SGCZ: variants seen among roughly 807,000 people sequenced by gnomAD.
The protein encoded by SGCZ is zeta-sarcoglycan.
In SGCZ, 40 loss-of-function variants were observed where a neutral mutation model predicts 41.3. That is an observed-to-expected ratio of 0.97 (90% CI 0.75 to 1.26). SGCZ has a LOEUF of 1.26. SGCZ is among the 50% of genes most tolerant of loss of function. The pLI is 0.00. For missense variants in SGCZ, 552 were observed against 369.8 expected (o/e 1.49, Z -4.04); for synonymous variants, 206 against 137.5 (o/e 1.50, Z -3.49).
intron 2 of SGCZ, among the ~76,000 whole-genome samples, chr8:14,326,981 C>G (rs1802141613): frequency 7.0e-6 from 1 of 143,830 alleles, no homozygotes; most frequent in South Asian, 2.1e-4. Context: ...ATGTGGTATT[C>G]TTAAAGTGGC....
chr8:14,549,982 C>A (rs535370912), intron 2 of SGCZ, among the ~76,000 whole-genome samples: 4 of 151,902 alleles, frequency 2.6e-5, no homozygotes, highest in African/African-American at 7.2e-5. Flanking sequence ...TACAATCACA[C>A]TGGGGAAAAA....
chr8:14,211,070 C>T (rs1329988125), intron 4 of SGCZ, among the ~76,000 whole-genome samples: 2 of 152,150 alleles, frequency 1.3e-5, no homozygotes, highest in Non-Finnish European at 2.9e-5. Flanking sequence ...ATCCATTTAT[C>T]GTCTTTCATC....
At chr8:14,464,980 C>G (rs995844949) in intron 2 of SGCZ, among the ~76,000 whole-genome samples, 5 of 151,602 alleles carry the variant, frequency 3.3e-5, no homozygotes, top group African/African-American at 4.8e-5. Context: ...TATGCCAATA[C>G]TTAATCTGTG....
At chr8:14,426,654 A>C (rs1408189133) in intron 2 of SGCZ, among the ~76,000 whole-genome samples, 3 of 152,194 alleles carry the variant, frequency 2.0e-5, no homozygotes, top group Non-Finnish European at 4.4e-5. Context: ...CAAGAGCCAG[A>C]AAATGAATAA....
At chr8:14,962,860 G>A (rs1023042517) in intron 1 of SGCZ, among the ~76,000 whole-genome samples, 1 of 152,152 alleles carries the variant, frequency 6.6e-6, no homozygotes, top group African/African-American at 2.4e-5. Context: ...CATATATTGT[G>A]AGAACAGTTT....
At chr8:14,172,346 G>A (rs1804408884) in intron 4 of SGCZ, among the ~76,000 whole-genome samples, 1 of 152,078 alleles carries the variant, frequency 6.6e-6, no homozygotes, top group Admixed American at 6.6e-5. Flanking sequence ...ACTCAGCACT[G>A]CCTCACCTTT....
At chr8:14,153,920 C>G (rs996083672) in intron 5 of SGCZ, among the ~76,000 whole-genome samples, 2 of 108,434 alleles carry the variant, frequency 1.8e-5, no homozygotes, top group Admixed American at 2.0e-4. Flanking sequence ...CTCTCTCTCT[C>G]TCTCACACAC....
chr8:14,277,228 A>G (rs1012516591), intron 3 of SGCZ, among the ~76,000 whole-genome samples: 2 of 152,188 alleles, frequency 1.3e-5, no homozygotes, highest in African/African-American at 4.8e-5. Flanking sequence ...ACTGTCTTCT[A>G]TCTTTTTTCA....
intron 1 of SGCZ, among the ~76,000 whole-genome samples, chr8:14,585,626 T>A (rs1202508350): frequency 1.3e-5 from 2 of 152,170 alleles, no homozygotes; most frequent in African/African-American, 4.8e-5. Context: ...TATTATTTTA[T>A]GAAAAATATA....
chr8:14,425,378 T>C (rs1482345136), intron 2 of SGCZ, among the ~76,000 whole-genome samples: 3 of 152,166 alleles, frequency 2.0e-5, no homozygotes, highest in African/African-American at 7.2e-5. Context: ...CCTAGCACTT[T>C]GGGAGGCCGA....
At chr8:14,163,827 T>C (rs969775714) in intron 5 of SGCZ, among the ~76,000 whole-genome samples, 2 of 152,194 alleles carry the variant, frequency 1.3e-5, no homozygotes, top group African/African-American at 4.8e-5. Flanking sequence ...AACTCAAGTT[T>C]GGGAAACATG....
intron 1 of SGCZ, among the ~76,000 whole-genome samples, chr8:14,796,430 T>A (rs1801133590): frequency 6.6e-6 from 1 of 152,198 alleles, no homozygotes; most frequent in African/African-American, 2.4e-5. Flanking sequence ...ATTTTTGTTT[T>A]TTTTCTAATA....
intron 2 of SGCZ, among the ~76,000 whole-genome samples, chr8:14,346,582 G>C (rs551861061): frequency 6.6e-6 from 1 of 151,984 alleles, no homozygotes; most frequent in African/African-American, 2.4e-5. Flanking sequence ...TATGTCAAAT[G>C]CATATAAGCA....
At chr8:14,557,175 T>C (rs1469584915) in intron 1 of SGCZ, among the ~76,000 whole-genome samples, 1 of 152,098 alleles carries the variant, frequency 6.6e-6, no homozygotes, top group East Asian at 1.9e-4. Context: ...TGCATTTCCA[T>C]GATCATTTGT....
At chr8:14,128,975 G>A (rs1309289385) in intron 5 of SGCZ, among the ~76,000 whole-genome samples, 1 of 152,112 alleles carries the variant, frequency 6.6e-6, no homozygotes, top group East Asian at 1.9e-4. Flanking sequence ...TACCTATTTG[G>A]TACAGTGTAC....
At chr8:14,970,411 A>G (rs946435420) in intron 1 of SGCZ, among the ~76,000 whole-genome samples, 1 of 152,098 alleles carries the variant, frequency 6.6e-6, no homozygotes, top group African/African-American at 2.4e-5. Context: ...AAGGCACAGA[A>G]GTTTTTTTCC....
At chr8:14,965,188 G>A (rs147655471) in intron 1 of SGCZ, among the ~76,000 whole-genome samples, 75 of 152,264 alleles carry the variant, frequency 4.9e-4, no homozygotes, top group African/African-American at 1.8e-3. Context: ...CAAAAAGCTA[G>A]TTGACATCAC....
At chr8:14,232,964 T>C (rs999565147) in intron 4 of SGCZ, among the ~76,000 whole-genome samples, 1 of 152,070 alleles carries the variant, frequency 6.6e-6, no homozygotes, top group East Asian at 1.9e-4. Flanking sequence ...GATAATAATA[T>C]AGATGTGGGA....
intron 1 of SGCZ, among the ~76,000 whole-genome samples, chr8:14,579,616 C>G (rs1361264879): frequency 6.6e-6 from 1 of 152,130 alleles, no homozygotes; most frequent in Non-Finnish European, 1.5e-5. Flanking sequence ...CTAGCAATTA[C>G]TTTTTTACTA....
Sources: gnomAD v4.1 joint callset for allele counts (sites outside exome capture counted in the v4.1 genomes callset) on GRCh38, gnomAD v4.1.1 for gene constraint, MANE v1.5 for transcripts, NCBI Gene and HGNC (gene_info 2026-07-23, HGNC 2026-07-21) for gene names.